ZNF541: variants seen among roughly 807,000 people sequenced by gnomAD.
The protein encoded by ZNF541 is zinc finger protein 541.
A neutral mutation model predicts 123.5 loss-of-function variants in ZNF541; 23 were observed. The observed-to-expected ratio is 0.19, with a 90% CI of 0.13 to 0.26. The LOEUF (loss-of-function observed/expected upper bound fraction) is 0.26, where lower values mean the gene tolerates loss of function less well. ZNF541 is among the 10% of genes least tolerant of loss of function. The pLI is 1.00. For missense variants in ZNF541, 1,612 were observed against 1,789.9 expected (o/e 0.90, Z 1.79); for synonymous variants, 751 against 754.5 (o/e 1.00, Z 0.08).
Position 47,545,177 on chromosome 19 carries a change from G to A in ZNF541, c.1352C>T (p.Pro451Leu). Residue 451 changes from proline to leucine, a missense_variant, in exon 5 of 17, where the codon CCC (proline) becomes CTC (leucine). Coordinates refer to ENST00000391901, the MANE Select transcript of ZNF541 (RefSeq NM_001277075.3). This position sits in a 1 kb window ranked among gnomAD's most constrained non-coding sequence, Gnocchi z 7.5. ...SREGSESGPGPSSGSPSEESP... is the reference protein window; with the variant it reads ...SREGSESGPGLSSGSPSEESP... ...CTCCTCCGAGGGGCTTCCGCTGCTG[G>A]GTCCCGGGCCAGACTCGGAGCCCTC... 6.7e-7 allele frequency: 1 copy of A among 1,503,150 alleles called. No individual in the cohort carries two copies. The highest frequency in any genetic ancestry group is 8.9e-7 in the Non-Finnish European group (1 of 1,124,344). The allele number at this position is 1,503,150 out of a possible 1,614,324, so 93.1% of individuals were successfully genotyped here.
At chr19:47,548,332 G>A (rs1188440872) in intron 4 of ZNF541, among the ~76,000 whole-genome samples, 6 of 149,454 alleles carry the variant, frequency 4.0e-5, no homozygotes, top group African/African-American at 1.2e-4. Context: ...AGTCCCAGCT[G>A]CTCTGGAGGC....
rs1357197200 is a variant in ZNF541 at position 47,545,620 on chromosome 19, C to A, written c.909G>T (p.Arg303Ser). The A allele has an allele frequency of 1.9e-6, 3 of 1,549,656 alleles. No homozygotes were observed. The highest frequency in any genetic ancestry group is 3.9e-5 in the Admixed American group (2 of 50,928). The change falls in exon 5 of 17, where the codon AGG becomes AGT. Residue 303 changes from arginine to serine, a missense_variant. Arg to Ser is a moderately radical substitution (Grantham distance 110). Coordinates refer to ENST00000391901, the MANE Select transcript of ZNF541 (RefSeq NM_001277075.3). The surrounding 1 kb of genome is among the most constrained non-coding windows in gnomAD (Gnocchi z 7.5). ...AGGCGGGGCAGGGACAGGCAGTGTTCCTCCCTTCGCTGTCTGAAGCCCCCG... is the reference window on the plus strand; with the variant it reads ...AGGCGGGGCAGGGACAGGCAGTGTTACTCCCTTCGCTGTCTGAAGCCCCCG... ...APAGASDSEG[R>S]NTACPCPASS...
rs760553383 is a variant in ZNF541 at position 47,545,966 on chromosome 19, A to T, written c.563T>A (p.Leu188His). The T allele has an allele frequency of 6.8e-7, 1 of 1,481,072 alleles. No individual in the cohort carries two copies. The highest frequency in any genetic ancestry group is 2.3e-5 in the Admixed American group (1 of 43,502). The allele number at this position is 1,481,072 out of a possible 1,614,324, so 91.7% of individuals were successfully genotyped here. A position where few individuals can be genotyped will look rare whatever the true frequency, so the allele number is the denominator to read the frequency against. Residue 188 changes from leucine to histidine, a missense_variant, in exon 5 of 17, where the codon CTC becomes CAC. Coordinates refer to ENST00000391901, the MANE Select transcript of ZNF541 (RefSeq NM_001277075.3). This position sits in a 1 kb window ranked among gnomAD's most constrained non-coding sequence, Gnocchi z 7.5. ...GAAGGGCTTTGTCTTCTGGTGGGTG[A>T]GCATGTGCCCGGTCCTGGAGCCAGA... is the stretch of plus-strand genomic sequence containing the variant. ...KRQDHLTGHM[L>H]THQKTKPFVC...
intron 9 of ZNF541, among the ~76,000 whole-genome samples, chr19:47,537,520 C>G (rs994933075): frequency 1.4e-5 from 2 of 148,140 alleles, no homozygotes; most frequent in African/African-American, 5.0e-5. Context: ...GCCAAGATCA[C>G]GCCACTGCAC....
chr19:47,531,800 A>G, intron 11 of ZNF541, 55 bp from the exon 12 acceptor site: 2 of 1,448,914 alleles, frequency 1.4e-6, no homozygotes, highest in Non-Finnish European at 1.9e-6. Flanking sequence ...ATCAGGTGCT[A>G]GGGAGGAACC....
At chr19:47,568,615 A>G (rs893077379) in intron 2 of ZNF541, among the ~76,000 whole-genome samples, 1 of 151,714 alleles carries the variant, frequency 6.6e-6, no homozygotes, top group South Asian at 2.1e-4. Context: ...AAGTGCTGGT[A>G]TTACAGGTGC....
At chr19:47,533,219 A>G (rs2122983378) in intron 9 of ZNF541, among the ~76,000 whole-genome samples, 1 of 151,946 alleles carries the variant, frequency 6.6e-6, no homozygotes, top group African/African-American at 2.4e-5. Context: ...AAATACAAAA[A>G]AAAGTAGCCG....
chr19:47,552,742 C>CAAAAAA lies in ZNF541; in HGVS notation c.307+2802_307+2807dup, dbSNP rs573248609. Reference sequence around the variant, plus strand: ...TGGGCGATAGAGCGAGACTCCATCTCAAAAAAAAAAAAAAAAAAAAAAAAA... The same window carrying CAAAAAA: ...TGGGCGATAGAGCGAGACTCCATCTCAAAAAAAAAAAAAAAAAAAAAAAAAAAAAAA... On this transcript the variant is annotated intron_variant, in intron 3 of 16. Transcript: ENST00000391901. 4.1e-3 allele frequency among the ~76,000 whole-genome samples: 106 copies of CAAAAAA among 26,106 alleles called. 15 individuals are homozygous for CAAAAAA. The highest frequency in any genetic ancestry group is 6.8e-3 in the African/African-American group (64 of 9,450). The allele number at this position is 26,106 out of a possible 152,430, so 17.1% of individuals were successfully genotyped here.
At chr19:47,559,400 A>AG (rs1970970923) in intron 2 of ZNF541, among the ~76,000 whole-genome samples, 2 of 151,602 alleles carry the variant, frequency 1.3e-5, no homozygotes, top group Non-Finnish European at 2.9e-5. Flanking sequence ...AAAGAAAGAA[A>AG]GAAGGAAGGA....
At chr19:47,532,402 G>C (rs552582108) in intron 10 of ZNF541, 132 bp from the exon 11 acceptor site, 1 of 1,027,208 alleles carries the variant, frequency 9.7e-7, no homozygotes, top group African/African-American at 1.6e-5. Context: ...TGTCTCAGGT[G>C]CATCAGGTAC....
intron 3 of ZNF541, among the ~76,000 whole-genome samples, chr19:47,553,321 C>T (rs1970683353): frequency 6.6e-6 from 1 of 151,780 alleles, no homozygotes; most frequent in Non-Finnish European, 1.5e-5. Context: ...TCACTGTAAC[C>T]TCCATCTCCC....
intron 14 of ZNF541, among the ~76,000 whole-genome samples, chr19:47,523,507 G>T (rs960300016): frequency 6.6e-6 from 1 of 152,066 alleles, no homozygotes; most frequent in African/African-American, 2.4e-5. Context: ...CACAAACTCT[G>T]CCTAAGAGAC....
chr19:47,544,613 G>A lies in ZNF541; in HGVS notation c.1916C>T (p.Ser639Phe). The A allele has an allele frequency of 6.4e-7, 1 of 1,551,078 alleles. No homozygotes were observed. Among genetic ancestry groups the A allele is most frequent in the Non-Finnish European group, 8.7e-7 (1 of 1,146,962 alleles). Residue 639 changes from serine (S) to phenylalanine (F), a missense_variant, in exon 5 of 17, where the codon TCC becomes TTC. By Grantham distance (155) the Ser-to-Phe change is radical. Around this residue, in one of 5 missense-constraint regions of ZNF541, gnomAD observed 1,080 missense variants for 1,013.8 expected, o/e 1.07. Coordinates refer to ENST00000391901, the MANE Select transcript of ZNF541 (RefSeq NM_001277075.3). ...TGCGTCTCGTCTCGTGCTGCCGGGG[G>A]AGGCCTCTCTGGGAACCCCGGGTGT... ...KTTPGVPREA[S>F]PGSTRRDAKG...
rs375143560 is a variant in ZNF541 at position 47,549,340 on chromosome 19, G to A, written c.453C>T (p.Ser151=). Residue 151 remains serine (S), a synonymous_variant, in exon 4 of 17, where the codon AGC becomes AGT. Transcript: ENST00000391901. ...DCSLCGKVFS[S]ASSLSKHYLT... is the part of the protein sequence containing the mutation. ...GGTAGTGCTTGCTCAGAGAACTGGC[G>A]CTGCTGAACACCTTCCCGCACAGGC... is the stretch of plus-strand genomic sequence containing the variant. 46 of 1,551,606 alleles carry A rather than the reference G, an allele frequency of 3.0e-5. No homozygotes were observed. The highest frequency in any genetic ancestry group is 1.7e-4 in the Middle Eastern group (1 of 6,014).
In ZNF541 at chr19:47,549,355, C is replaced by T. The variant is rs1242588080; in HGVS notation, c.438G>A (p.Gly146=). ...QNPLLDCSLC[G]KVFSSASSLS... ...GAGAACTGGCGCTGCTGAACACCTTCCCGCACAGGCTGCAGTCCAGAAGTG... is the reference window on the plus strand; with the variant it reads ...GAGAACTGGCGCTGCTGAACACCTTTCCGCACAGGCTGCAGTCCAGAAGTG... Residue 146 remains glycine (G), a synonymous_variant, in exon 4 of 17, where the codon GGG becomes GGA. Transcript: ENST00000391901. 6.4e-6 allele frequency: 10 copies of T among 1,551,640 alleles called. No individual in the cohort carries two copies. Among genetic ancestry groups the T allele is most frequent in the East Asian group, 2.4e-5 (1 of 40,940 alleles).
At chr19:47,566,038 A>G (rs1971249062) in intron 2 of ZNF541, among the ~76,000 whole-genome samples, 2 of 152,158 alleles carry the variant, frequency 1.3e-5, no homozygotes, top group South Asian at 4.2e-4. Context: ...TTAGCCGCGC[A>G]TGGTGGTGGG....
intron 10 of ZNF541, 64 bp downstream of exon 10, chr19:47,532,845 G>A (rs1969638834): frequency 6.7e-7 from 1 of 1,497,014 alleles, no homozygotes; most frequent in African/African-American, 1.4e-5. Context: ...GGAACCCTTG[G>A]GAAAAGTGAC....
chr19:47,539,297 CTTTTTTT>C (rs1001789975), intron 8 of ZNF541, among the ~76,000 whole-genome samples: 12 of 125,834 alleles, frequency 9.5e-5, no homozygotes, highest in South Asian at 5.2e-4. Flanking sequence ...TCAAGATTTT[CTTTTTTT>C]TTTTTTTTTT....
At chr19:47,549,589 T>A in intron 3 of ZNF541, 104 bp from the exon 4 acceptor site, 1 of 1,473,326 alleles carries the variant, frequency 6.8e-7, no homozygotes, top group Non-Finnish European at 9.1e-7. Flanking sequence ...GCCTTGTAAG[T>A]GTTGCGCGAG....
Sources: allele counts gnomAD v4.1 joint callset (sites outside exome capture counted in the v4.1 genomes callset), GRCh38; gene constraint gnomAD v4.1.1; regional missense constraint gnomAD v4.1.1; non-coding constraint Gnocchi (gnomAD v3.1); transcripts MANE v1.5; gene names NCBI Gene and HGNC (gene_info 2026-07-23, HGNC 2026-07-21).